CACNA2D3: variants seen among roughly 807,000 people sequenced by gnomAD.
CACNA2D3 encodes voltage-dependent calcium channel subunit alpha-2/delta-3.
Under a neutral mutation model 160.6 loss-of-function variants are expected in CACNA2D3, and 60 were observed. The observed-to-expected ratio is 0.37, with a 90% CI of 0.30 to 0.46. The LOEUF (loss-of-function observed/expected upper bound fraction) is 0.46, where lower values mean the gene tolerates loss of function less well. Among genes scored for constraint, CACNA2D3 ranks in the 20% least tolerant of loss-of-function variants. CACNA2D3 has a pLI of 1.00. For missense variants in CACNA2D3, 1,205 were observed against 1,365.0 expected, an observed-to-expected ratio of 0.88 and a Z score of 1.85; for synonymous variants, 558 against 492.9, an observed-to-expected ratio of 1.13 and a Z score of -1.75.
At chr3:54,706,232 T>G (rs1042557631) in intron 11 of CACNA2D3, among the ~76,000 whole-genome samples, 1 of 152,230 alleles carries the variant, frequency 6.6e-6, no homozygotes, top group Admixed American at 6.5e-5. Context: ...TCAGCTGAGA[T>G]GGAGTTTGGG....
chr3:54,886,980 C>T (rs1699942479), intron 23 of CACNA2D3, among the ~76,000 whole-genome samples: 1 of 133,912 alleles, frequency 7.5e-6, no homozygotes, highest in South Asian at 2.3e-4. Flanking sequence ...CTGTCCTGTC[C>T]CATGTGATAA....
chr3:54,626,334 G>T (rs1699101020), intron 9 of CACNA2D3: 3 of 1,554,386 alleles, frequency 1.9e-6, no homozygotes, highest in South Asian at 2.4e-5. Flanking sequence ...GTGCGCGCCA[G>T]CAGCGGCGGC....
chr3:54,303,818 G>GT (rs71617795), intron 2 of CACNA2D3, among the ~76,000 whole-genome samples: 6,361 of 114,682 alleles, frequency 0.055, 603 homozygotes, highest in African/African-American at 0.16. Flanking sequence ...CTTTTTTTCT[G>GT]TTTTTTTTTT....
intron 4 of CACNA2D3, among the ~76,000 whole-genome samples, chr3:54,432,033 G>C (rs1699998039): frequency 6.6e-6 from 1 of 152,038 alleles, no homozygotes; most frequent in Non-Finnish European, 1.5e-5. Flanking sequence ...ATAAATTTCA[G>C]CCATCAAAAC....
At chr3:54,662,990 GAGCAATAGC>G (rs1424836867) in intron 11 of CACNA2D3, among the ~76,000 whole-genome samples, 2 of 152,204 alleles carry the variant, frequency 1.3e-5, no homozygotes, top group Non-Finnish European at 2.9e-5. Context: ...GGAACCAAAT[GAGCAATAGC>G]ATGTGGCAAT....
Position 54,618,375 on chromosome 3 carries a change from G to GCACACACACACACACACA in CACNA2D3, c.964-9391_964-9374dup, listed in dbSNP as rs56788185. On this transcript the variant is annotated intron_variant, in intron 9 of 37. Coordinates refer to ENST00000474759, the MANE Select transcript of CACNA2D3 (RefSeq NM_018398.3). ...TACATATATATATATATATATATAT[G>GCACACACACACACACACA]CACACACACACACACACACACACAC... Among the ~76,000 whole-genome samples, 669 of 115,498 alleles carry GCACACACACACACACACA rather than the reference G, an allele frequency of 5.8e-3. 21 individuals are homozygous for GCACACACACACACACACA. The highest frequency in any genetic ancestry group is 0.022 in the African/African-American group (636 of 29,380). The allele number at this position is 115,498 out of a possible 152,430, so 75.8% of individuals were successfully genotyped here. A position where few individuals can be genotyped will look rare whatever the true frequency, so the allele number is the denominator to read the frequency against.
chr3:55,066,196 G>A (rs541301634), intron 35 of CACNA2D3, among the ~76,000 whole-genome samples: 1 of 152,278 alleles, frequency 6.6e-6, no homozygotes, highest in African/African-American at 2.4e-5. Flanking sequence ...CCACAGTCAC[G>A]TGCTCCATCC....
chr3:54,407,098 G>T (rs950190384), intron 4 of CACNA2D3, among the ~76,000 whole-genome samples: 1 of 152,132 alleles, frequency 6.6e-6, no homozygotes, highest in South Asian at 2.1e-4. Context: ...TTCTTGAGTG[G>T]AGGAAATGAC....
intron 5 of CACNA2D3, among the ~76,000 whole-genome samples, chr3:54,541,687 C>G (rs1014572226): frequency 6.6e-6 from 1 of 152,028 alleles, no homozygotes; most frequent in Non-Finnish European, 1.5e-5. Flanking sequence ...GTGGTGCTGC[C>G]GGAGGAAGTG....
At chr3:54,976,942 A>C (rs562025400) in intron 29 of CACNA2D3, among the ~76,000 whole-genome samples, 94 of 152,314 alleles carry the variant, frequency 6.2e-4, no homozygotes, top group African/African-American at 2.2e-3. Context: ...AAAAGAACCA[A>C]ATGTTTACAG....
chr3:54,223,537 T>C (rs1701612130), intron 2 of CACNA2D3, among the ~76,000 whole-genome samples: 1 of 152,134 alleles, frequency 6.6e-6, no homozygotes. Flanking sequence ...CTGTAGACTT[T>C]ATAAATACTG....
At chr3:54,896,640 G>A in intron 25 of CACNA2D3, 109 bp from the exon 26 acceptor site, 27 of 1,333,414 alleles carry the variant, frequency 2.0e-5, no homozygotes, top group Non-Finnish European at 2.8e-5. Context: ...GCAAGTTGGG[G>A]TTCTAAAAGT....
At chr3:54,736,087 G>A (rs373167447) in intron 11 of CACNA2D3, among the ~76,000 whole-genome samples, 1,315 of 19,416 alleles carry the variant, frequency 0.068, 177 homozygotes, top group African/African-American at 0.098. Context: ...ATATATGTAT[G>A]TGTATATATA....
intron 11 of CACNA2D3, among the ~76,000 whole-genome samples, chr3:54,737,609 T>C (rs562874131): frequency 6.6e-6 from 1 of 152,128 alleles, no homozygotes; most frequent in African/African-American, 2.4e-5. Context: ...TCAGGACATT[T>C]TGACTTTTAT....
chr3:55,002,815 T>C (rs185709719), intron 31 of CACNA2D3, among the ~76,000 whole-genome samples: 2 of 152,292 alleles, frequency 1.3e-5, no homozygotes, highest in East Asian at 3.9e-4. Context: ...TTTGGTCAAA[T>C]GTGGCTGGTT....
At chr3:54,901,361 C>T (rs1700328091) in intron 27 of CACNA2D3, 2 of 152,208 alleles carry the variant, frequency 1.3e-5, no homozygotes, top group African/African-American at 4.8e-5. Flanking sequence ...TCCCAGCCAC[C>T]TCTGTCCAAG....
intron 30 of CACNA2D3, 53 bp from the exon 31 acceptor site, chr3:54,987,630 C>A: frequency 8.6e-7 from 1 of 1,167,122 alleles, no homozygotes; most frequent in Non-Finnish European, 1.2e-6. Context: ...TTCTTCTCTC[C>A]TGTTTGGGCA....
chr3:54,473,429 C>G (rs1700772699), intron 4 of CACNA2D3, among the ~76,000 whole-genome samples: 1 of 152,024 alleles, frequency 6.6e-6, no homozygotes, highest in African/African-American at 2.4e-5. Context: ...CCATAAAAAC[C>G]CTAGAAGAAA....
At chr3:54,439,340 T>TGTGTGA (rs1297365833) in intron 4 of CACNA2D3, among the ~76,000 whole-genome samples, 1 of 151,846 alleles carries the variant, frequency 6.6e-6, no homozygotes, top group African/African-American at 2.4e-5. Context: ...TGTTTGTGTG[T>TGTGTGA]GAAGATAGAG....
Sources: gnomAD v4.1 joint callset for allele counts (sites outside exome capture counted in the v4.1 genomes callset) on GRCh38, gnomAD v4.1.1 for gene constraint, MANE v1.5 for transcripts, NCBI Gene and HGNC (gene_info 2026-07-23, HGNC 2026-07-21) for gene names.